Variants in OSBP2 observed in about 807,000 individuals in gnomAD.
The protein encoded by OSBP2 is oxysterol binding protein 2, also known as oxysterol-binding protein 2.
OSBP2 carries 66 observed loss-of-function variants against 96.0 expected under a neutral mutation model. The ratio of observed to expected loss-of-function variants is 0.69; its 90% CI spans 0.56 to 0.84. OSBP2 has a LOEUF of 0.84. Among genes scored for constraint, OSBP2 ranks in the 40% least tolerant of loss-of-function variants. OSBP2 has a pLI of 0.00. For synonymous variants in OSBP2, 525 were observed against 520.9 expected, an observed-to-expected ratio of 1.01 and a Z score of -0.11; for missense variants, 1,038 against 1,222.7, an observed-to-expected ratio of 0.85 and a Z score of 2.25.
chr22:30,731,402 AC>A (rs1044338625), intron 1 of OSBP2, among the ~76,000 whole-genome samples: 8 of 152,100 alleles, frequency 5.3e-5, no homozygotes, highest in African/African-American at 1.4e-4. Flanking sequence ...AGAAGAAAAT[AC>A]ACCTCAGAGC....
At chr22:30,895,285 G>C (rs62238092) in intron 12 of OSBP2, among the ~76,000 whole-genome samples, 1 of 152,034 alleles carries the variant, frequency 6.6e-6, no homozygotes, top group African/African-American at 2.4e-5. Context: ...AAAACAAAGA[G>C]GGAGATAAAA....
chr22:30,878,528 G>A (rs1162202978), intron 3 of OSBP2, among the ~76,000 whole-genome samples: 1 of 152,202 alleles, frequency 6.6e-6, no homozygotes, highest in Non-Finnish European at 1.5e-5. Flanking sequence ...ACATGGTTCC[G>A]CAGGATGCAG....
Position 30,890,974 on chromosome 22 carries a change from G to T in OSBP2, c.1869+1G>T, listed in dbSNP as rs1019366035. 1 of 1,605,374 alleles carries T rather than the reference G, an allele frequency of 6.2e-7. No homozygotes were observed. Among genetic ancestry groups the T allele is most frequent in the East Asian group, 2.2e-5 (1 of 44,866 alleles). ...GGGCCTGCGCTCCCTCTGTGAGCAG[G>T]TGAGGGGGCTAGGCTGGCACTGGGT... is the stretch of plus-strand genomic sequence containing the variant. On this transcript the variant is annotated splice_donor_variant, in intron 8 of 13. Coordinates refer to ENST00000332585, the MANE Select transcript of OSBP2 (RefSeq NM_030758.4). LOFTEE classifies it high-confidence loss of function. The surrounding 1 kb of genome is among the most constrained non-coding windows in gnomAD (Gnocchi z 4.4).
chr22:30,757,418 C>CCTTTT (rs561744906), intron 2 of OSBP2, among the ~76,000 whole-genome samples: 1 of 151,846 alleles, frequency 6.6e-6, no homozygotes, highest in Admixed American at 6.6e-5. Flanking sequence ...TTTTCTTTTT[C>CCTTTT]CTTTTCTTTT....
chr22:30,890,730 G>T lies in OSBP2; in HGVS notation c.1626G>T (p.Val542=). The change falls in exon 8 of 14, where the codon GTG becomes GTT. Residue 542 remains valine (V), a splice_region_variant and synonymous_variant. Transcript: ENST00000332585. The surrounding 1 kb of genome is among the most constrained non-coding windows in gnomAD (Gnocchi z 4.4). Reference sequence around the variant, plus strand: ...ACCACCCACCTGTCCACCCACAGGTGAACTTCAATGAGCCCCTGTCCATGC... The same window carrying T: ...ACCACCCACCTGTCCACCCACAGGTTAACTTCAATGAGCCCCTGTCCATGC... The part of the protein sequence containing the change: ...GRELSRIPMP[V]NFNEPLSMLQ... 6.2e-7 allele frequency: 1 copy of T among 1,612,028 alleles called. No individual in the cohort carries two copies.
intron 2 of OSBP2, among the ~76,000 whole-genome samples, chr22:30,857,513 A>T (rs1464795118): frequency 1.3e-5 from 2 of 152,112 alleles, no homozygotes; most frequent in Admixed American, 6.5e-5. Context: ...ATCACTGGAG[A>T]TTGTTTCTTT....
At chr22:30,805,989 C>T (rs1052654532) in intron 2 of OSBP2, among the ~76,000 whole-genome samples, 6 of 152,204 alleles carry the variant, frequency 3.9e-5, no homozygotes, top group Admixed American at 2.0e-4. Context: ...TTTCCTCCAA[C>T]GATATGTGTC....
At chr22:30,722,678 TTTC>T (rs2089570863) in intron 1 of OSBP2, among the ~76,000 whole-genome samples, 1 of 151,770 alleles carries the variant, frequency 6.6e-6, no homozygotes, top group Non-Finnish European at 1.5e-5. Flanking sequence ...TTTCTCTTTC[TTTC>T]TTTTCTTTCC....
intron 2 of OSBP2, among the ~76,000 whole-genome samples, chr22:30,830,271 C>T (rs888982483): frequency 3.3e-5 from 5 of 152,190 alleles, no homozygotes; most frequent in South Asian, 2.1e-4. Flanking sequence ...TTCCCTGTGA[C>T]GTGTGTGTTG....
intron 4 of OSBP2, 126 bp downstream of exon 4, chr22:30,887,744 C>T (rs1374867686): frequency 6.8e-6 from 5 of 737,112 alleles, no homozygotes; most frequent in Non-Finnish European, 1.1e-5. Flanking sequence ...TTGGCCAACT[C>T]TTGACTGCCT....
intron 1 of OSBP2, 121 bp downstream of exon 1, chr22:30,695,674 A>G: frequency 6.7e-7 from 1 of 1,482,148 alleles, no homozygotes; most frequent in Non-Finnish European, 9.0e-7. Context: ...AGGGGCATGC[A>G]TTCCAGCAGG....
rs140755860 is a variant in OSBP2, at chr22:30,847,338, G to A, written c.854-23091G>A. On this transcript the variant is annotated intron_variant, in intron 2 of 13. Coordinates refer to ENST00000332585, the MANE Select transcript of OSBP2 (RefSeq NM_030758.4). ...TGCTGTTCACCCAGGCTGGAGTGCA[G>A]TGGCATGACCTCGGCTCACTGGAAC... Among the ~76,000 whole-genome samples the A allele has an allele frequency of 1.8e-3, 272 of 152,088 alleles. 3 individuals are homozygous for A. In the East Asian group the frequency reaches 0.027, roughly 15 times the overall value.
chr22:30,905,719 G>C lies in OSBP2; in HGVS notation c.2376-118G>C, dbSNP rs367851434. ...CAAGGCCAGAGGGAGTCCTGGACGCGGGGAGCTGGAGGGTGAGGCGACCCG... is the reference window on the plus strand; with the variant it reads ...CAAGGCCAGAGGGAGTCCTGGACGCCGGGAGCTGGAGGGTGAGGCGACCCG... On this transcript the variant is annotated intron_variant, in intron 12 of 13. Coordinates refer to ENST00000332585, the MANE Select transcript of OSBP2 (RefSeq NM_030758.4). The C allele has an allele frequency of 3.5e-6, 5 of 1,430,872 alleles. No individual in the cohort carries two copies. In the African/African-American group the frequency reaches 6.1e-5, roughly 17 times the overall value. 88.6% of individuals were successfully genotyped at this position (1,430,872 alleles called of 1,614,324 possible). A position where few individuals can be genotyped will look rare whatever the true frequency, so the allele number is the denominator to read the frequency against.
In OSBP2 at chr22:30,873,110, T is replaced by C. The variant is rs551262146; in HGVS notation, c.1107+2428T>C. ...ACAGCCTGGTTAGCACCTTGAGGGA[T>C]TGTTAGTGTCAACGTGGAAACTGAG... On this transcript the variant is annotated intron_variant, in intron 3 of 13. Coordinates refer to ENST00000332585, the MANE Select transcript of OSBP2 (RefSeq NM_030758.4). Among the ~76,000 whole-genome samples, 18 of 152,290 alleles carry C rather than the reference T, an allele frequency of 1.2e-4. No homozygotes were observed. The South Asian group carries it at 3.3e-3, about 28-fold the overall frequency.
chr22:30,900,191 T>C (rs1243670276), intron 12 of OSBP2, among the ~76,000 whole-genome samples: 2 of 151,804 alleles, frequency 1.3e-5, no homozygotes, highest in African/African-American at 2.4e-5. Context: ...GAGGCAAAGG[T>C]TGTGGTGAGC....
intron 1 of OSBP2, among the ~76,000 whole-genome samples, chr22:30,718,497 TG>T (rs1406930484): frequency 6.6e-6 from 1 of 152,236 alleles, no homozygotes; most frequent in Non-Finnish European, 1.5e-5. Flanking sequence ...CCTGTATGCT[TG>T]GCACTGGGCT....
At chr22:30,859,910 A>C (rs1318261718) in intron 2 of OSBP2, among the ~76,000 whole-genome samples, 1 of 152,114 alleles carries the variant, frequency 6.6e-6, no homozygotes, top group Non-Finnish European at 1.5e-5. Context: ...GGAGCCCTGG[A>C]GCCAGGATGC....
At chr22:30,807,734 C>T (rs2090947911) in intron 2 of OSBP2, among the ~76,000 whole-genome samples, 1 of 152,312 alleles carries the variant, frequency 6.6e-6, no homozygotes, top group African/African-American at 2.4e-5. Flanking sequence ...TTTTCTTTCC[C>T]TGCCTAAATC....
chr22:30,843,443 T>TCC (rs1569146745), intron 2 of OSBP2, among the ~76,000 whole-genome samples: 5 of 99,680 alleles, frequency 5.0e-5, no homozygotes, highest in South Asian at 3.2e-4. Flanking sequence ...TCAGGAATCT[T>TCC]TCCCCCCTCC....
Sources: gnomAD v4.1 joint callset for allele counts (sites outside exome capture counted in the v4.1 genomes callset) on GRCh38, gnomAD v4.1.1 for gene constraint, Gnocchi (gnomAD v3.1) non-coding constraint, MANE v1.5 for transcripts, NCBI Gene and HGNC (gene_info 2026-07-23, HGNC 2026-07-21) for gene names.